CCDC7: variants seen among roughly 807,000 people sequenced by gnomAD.
CCDC7 encodes the protein coiled-coil domain containing 7, also known as coiled-coil domain-containing protein 7.
In CCDC7, 183 loss-of-function variants were observed where a neutral mutation model predicts 196.9. The observed-to-expected ratio is 0.93, with a 90% CI of 0.82 to 1.05. The LOEUF (loss-of-function observed/expected upper bound fraction) is 1.05. Ranked by LOEUF, CCDC7 falls within the 50% of genes least tolerant of loss-of-function variation. The pLI, the probability that CCDC7 is intolerant of heterozygous loss-of-function variation, is 0.00. For missense variants in CCDC7, 1,540 were observed against 1,482.2 expected (o/e 1.04, Z -0.64); for synonymous variants, 525 against 484.6 (o/e 1.08, Z -1.10).
intron 33 of CCDC7, among the ~76,000 whole-genome samples, chr10:32,836,929 T>C (rs1404822140): frequency 6.6e-6 from 1 of 152,146 alleles, no homozygotes; most frequent in Non-Finnish European, 1.5e-5. Flanking sequence ...TAATTCAAGA[T>C]GGATTAAAGA....
At chr10:32,643,896 A>G (rs1410708685) in intron 20 of CCDC7, among the ~76,000 whole-genome samples, 3 of 150,274 alleles carry the variant, frequency 2.0e-5, no homozygotes, top group African/African-American at 7.5e-5. Context: ...TTGAAAATTA[A>G]TTGGTCTTTT....
intron 40 of CCDC7, among the ~76,000 whole-genome samples, chr10:32,853,202 A>G (rs530695044): frequency 6.6e-6 from 1 of 152,230 alleles, no homozygotes; most frequent in South Asian, 2.1e-4. Context: ...AGAATATACT[A>G]ATTATAAGCA....
At chr10:32,734,271 A>G (rs557541745) in intron 28 of CCDC7, among the ~76,000 whole-genome samples, 139 of 152,308 alleles carry the variant, frequency 9.1e-4, no homozygotes, top group African/African-American at 3.1e-3. Flanking sequence ...ATAAAACAGG[A>G]CAAGATCATG....
intron 21 of CCDC7, among the ~76,000 whole-genome samples, chr10:32,683,483 A>G (rs1010086533): frequency 6.6e-6 from 1 of 152,030 alleles, no homozygotes; most frequent in Non-Finnish European, 1.5e-5. Context: ...TGGGCTCTTT[A>G]TTGCTCCATA....
chr10:32,458,109 A>G (rs1481152401), intron 3 of CCDC7, among the ~76,000 whole-genome samples: 1 of 152,118 alleles, frequency 6.6e-6, no homozygotes, highest in East Asian at 1.9e-4. Flanking sequence ...TCTCAGACCA[A>G]TGTCCTGAAG....
At chr10:32,821,600 A>G (rs1015861545) in intron 31 of CCDC7, among the ~76,000 whole-genome samples, 7 of 152,234 alleles carry the variant, frequency 4.6e-5, no homozygotes, top group African/African-American at 1.7e-4. Context: ...AAGAAAAGTG[A>G]CACATATACA....
At chr10:32,776,820 C>T (rs1385837624) in intron 28 of CCDC7, among the ~76,000 whole-genome samples, 4 of 152,128 alleles carry the variant, frequency 2.6e-5, no homozygotes, top group Admixed American at 2.6e-4. Context: ...GGTAAAATAT[C>T]TGTAATTAGT....
chr10:32,808,741 C>T (rs1213380688), intron 30 of CCDC7, among the ~76,000 whole-genome samples: 1 of 152,072 alleles, frequency 6.6e-6, no homozygotes, highest in Non-Finnish European at 1.5e-5. Flanking sequence ...CTGTCCCCAG[C>T]AAAGCCTCAC....
At chr10:32,611,062 A>G (rs1564822052) in intron 18 of CCDC7, among the ~76,000 whole-genome samples, 1 of 152,120 alleles carries the variant, frequency 6.6e-6, no homozygotes, top group Non-Finnish European at 1.5e-5. Context: ...CTTCCTGTTT[A>G]TCTACATCCT....
intron 18 of CCDC7, among the ~76,000 whole-genome samples, chr10:32,626,747 A>G (rs1273720777): frequency 6.6e-6 from 1 of 152,008 alleles, no homozygotes; most frequent in Admixed American, 6.6e-5. Context: ...GTGAGATAAG[A>G]GCCCAATTTA....
rs560421554 is a variant in CCDC7 at position 32,781,117 on chromosome 10, A to G, written c.3013+2033A>G. On this transcript the variant is annotated intron_variant, in intron 29 of 41. Coordinates refer to ENST00000639629, the Ensembl canonical transcript of CCDC7. Reference sequence around the variant, plus strand: ...ACAATCTACCAGAACTGACTTATGAAGAAATATCTAAATAGACCCCTAATT... The same window carrying G: ...ACAATCTACCAGAACTGACTTATGAGGAAATATCTAAATAGACCCCTAATT... Among the ~76,000 whole-genome samples, 17 of 152,316 alleles carry G rather than the reference A, an allele frequency of 1.1e-4. No homozygotes were observed. In the South Asian group the frequency reaches 3.5e-3, roughly 32 times the overall value.
At chr10:32,557,889 T>A (rs1221756653) in intron 13 of CCDC7, among the ~76,000 whole-genome samples, 1 of 152,142 alleles carries the variant, frequency 6.6e-6, no homozygotes, top group Non-Finnish European at 1.5e-5. Context: ...CATAGTGTCT[T>A]GCTATGTTGC....
intron 9 of CCDC7, among the ~76,000 whole-genome samples, chr10:32,496,080 T>C (rs1013759475): frequency 6.6e-6 from 1 of 152,180 alleles, no homozygotes; most frequent in Admixed American, 6.5e-5. Context: ...GAGCTGTGGT[T>C]TGTAGTTCTC....
intron 11 of CCDC7, among the ~76,000 whole-genome samples, chr10:32,522,592 T>TAGA (rs1219532736): frequency 6.6e-6 from 1 of 152,106 alleles, no homozygotes; most frequent in Non-Finnish European, 1.5e-5. Flanking sequence ...TTGTCAATTT[T>TAGA]ATTTATCTTT....
At chr10:32,845,458 C>A in intron 34 of CCDC7, 85 bp from the exon 36 acceptor site, 1 of 1,275,866 alleles carries the variant, frequency 7.8e-7, no homozygotes, top group Non-Finnish European at 1.1e-6. Context: ...TCATGAATAT[C>A]CTCCTATAAT....
At chr10:32,840,927 A>G (rs1267912268) in intron 33 of CCDC7, among the ~76,000 whole-genome samples, 1 of 152,130 alleles carries the variant, frequency 6.6e-6, no homozygotes, top group African/African-American at 2.4e-5. Context: ...ATAGATGCAG[A>G]AGAAGCACTT....
At chr10:32,523,503 T>A (rs1463709049) in intron 11 of CCDC7, among the ~76,000 whole-genome samples, 1 of 151,294 alleles carries the variant, frequency 6.6e-6, no homozygotes, top group African/African-American at 2.4e-5. Context: ...GAGCCGAGAT[T>A]GCACTACTGC....
chr10:32,451,708 T>C lies in CCDC7; in HGVS notation c.66T>C (p.Thr22=), dbSNP rs749466781. The change falls in exon 1 of 42, where the codon ACT becomes ACC. Residue 22 remains threonine, a synonymous_variant. Transcript: ENST00000639629. Reference sequence around the variant, plus strand: ...CGGCAAATGTTCCAGCATTAACTACTAAAAAAGGACTACATAATTTACCAT... The same window carrying C: ...CGGCAAATGTTCCAGCATTAACTACCAAAAAAGGACTACATAATTTACCAT... 1.9e-6 allele frequency: 3 copies of C among 1,613,724 alleles called. No homozygotes were observed. In the African/African-American group the frequency reaches 4.0e-5, roughly 22 times the overall value.
At chr10:32,752,114 G>T (rs763895545) in intron 28 of CCDC7, among the ~76,000 whole-genome samples, 8 of 152,004 alleles carry the variant, frequency 5.3e-5, no homozygotes, top group Non-Finnish European at 8.8e-5. Context: ...TATTATTTTT[G>T]ATAGGAAAAA....
Sources: allele counts gnomAD v4.1 joint callset (sites outside exome capture counted in the v4.1 genomes callset), GRCh38; gene constraint gnomAD v4.1.1; transcripts MANE v1.5; gene names NCBI Gene and HGNC (gene_info 2026-07-23, HGNC 2026-07-21).